PLIN3: variants seen among roughly 807,000 people sequenced by gnomAD.
PLIN3 encodes perilipin-3.
A neutral mutation model predicts 35.9 loss-of-function variants in PLIN3; 30 were observed. The ratio of observed to expected loss-of-function variants is 0.84; its 90% CI spans 0.62 to 1.13. The LOEUF (loss-of-function observed/expected upper bound fraction) is 1.13, where lower values mean the gene tolerates loss of function less well. PLIN3 is among the 50% of genes most tolerant of loss of function. The pLI, the probability that PLIN3 is intolerant of heterozygous loss-of-function variation, is 0.00. For synonymous variants in PLIN3, 261 were observed against 262.5 expected, an observed-to-expected ratio of 0.99 and a Z score of 0.06; for missense variants, 603 against 596.9, an observed-to-expected ratio of 1.01 and a Z score of -0.11.
At chr19:4,867,388 A>C (rs2030894230) in intron 1 of PLIN3, among the ~76,000 whole-genome samples, 2 of 152,124 alleles carry the variant, frequency 1.3e-5, no homozygotes, top group Non-Finnish European at 2.9e-5. Context: ...CAAAAGTCCC[A>C]GGAAGTGAGA....
chr19:4,840,789 T>A (rs938158354), intron 7 of PLIN3, among the ~76,000 whole-genome samples: 1 of 152,016 alleles, frequency 6.6e-6, no homozygotes, highest in African/African-American at 2.4e-5. Flanking sequence ...CTACTAAAGA[T>A]ACAAAATTAG....
At position 4,846,780 on chromosome 19, in the gene PLIN3, T is replaced by C. The variant is rs186252874; in HGVS notation, c.834+911A>G. 9.9e-5 allele frequency among the ~76,000 whole-genome samples: 15 copies of C among 152,158 alleles called. No individual in the cohort carries two copies. In the East Asian group the frequency reaches 2.9e-3, roughly 29 times the overall value. ...AATACACAGAGAGAAGATGGCTGTC[T>C]ACGAGTCAAGGAGAGAGGCCCCAGA... is the stretch of plus-strand genomic sequence containing the variant. On this transcript the variant is annotated intron_variant, in intron 6 of 7. Coordinates refer to ENST00000221957, the MANE Select transcript of PLIN3 (RefSeq NM_005817.5).
intron 1 of PLIN3, 121 bp from the exon 2 acceptor site, chr19:4,861,532 T>C (rs2030676455): frequency 1.5e-6 from 1 of 669,522 alleles, no homozygotes; most frequent in Non-Finnish European, 2.6e-6. Flanking sequence ...AGCTGTGTCT[T>C]TCAGTCCTTA....
chr19:4,860,041 G>A lies in PLIN3; in HGVS notation c.67-17C>T, dbSNP rs1287154895. ...CACACTGGGCTACAGGAGAGAAGTG[G>A]CTCAGGCAAACTGGGTGGGGGAAGA... On this transcript the variant is annotated splice_polypyrimidine_tract_variant and intron_variant, in intron 2 of 7. Coordinates refer to ENST00000221957, the MANE Select transcript of PLIN3 (RefSeq NM_005817.5). 1.2e-6 allele frequency: 2 copies of A among 1,612,942 alleles called. No homozygotes were observed. The highest frequency in any genetic ancestry group is 1.1e-5 in the South Asian group (1 of 91,022).
intron 1 of PLIN3, chr19:4,866,722 C>T (rs965165765): frequency 6.6e-6 from 1 of 152,336 alleles, no homozygotes; most frequent in African/African-American, 2.4e-5. Context: ...AGGCAGGCAT[C>T]AAACTCCTGG....
intron 7 of PLIN3, among the ~76,000 whole-genome samples, chr19:4,839,742 T>C (rs2029871144): frequency 6.6e-6 from 1 of 151,418 alleles, no homozygotes; most frequent in Non-Finnish European, 1.5e-5. Flanking sequence ...CTCAACTCAC[T>C]GCAAGCTCCG....
At position 4,852,191 on chromosome 19, in the gene PLIN3, C is replaced by A. The variant is rs758519354; in HGVS notation, c.459G>T (p.Ala153=). The part of the protein sequence containing the change: ...VATQLSEAVD[A]TRGAVQSGVD... ...CGCCGCTCTGCACAGCACCGCGGGT[C>A]GCGTCCACCGCCTCCGACAATTGGG... Residue 153 remains alanine, a synonymous_variant, in exon 5 of 8, where the codon GCG becomes GCT. Coordinates refer to ENST00000221957, the MANE Select transcript of PLIN3 (RefSeq NM_005817.5). The A allele has an allele frequency of 6.2e-7, 1 of 1,613,196 alleles. No individual in the cohort carries two copies. The highest frequency in any genetic ancestry group is 8.5e-7 in the Non-Finnish European group (1 of 1,180,008).
intron 7 of PLIN3, among the ~76,000 whole-genome samples, chr19:4,842,599 C>CAA (rs11383489): frequency 0.029 from 1,340 of 46,324 alleles, 89 homozygotes; most frequent in African/African-American, 0.087. Context: ...GACTCTATCT[C>CAA]AAAAAAAAAA....
chr19:4,848,864 C>CA (rs927505672), intron 5 of PLIN3, among the ~76,000 whole-genome samples: 110 of 147,092 alleles, frequency 7.5e-4, no homozygotes, highest in African/African-American at 2.3e-3. Context: ...GACTCCGTCT[C>CA]AAAAAAAAAA....
intron 6 of PLIN3, among the ~76,000 whole-genome samples, chr19:4,845,912 C>A (rs186648703): frequency 1.7e-5 from 2 of 116,790 alleles, no homozygotes; most frequent in African/African-American, 3.4e-5. Flanking sequence ...GGTGACAGAG[C>A]GAGACTCCGT....
intron 1 of PLIN3, among the ~76,000 whole-genome samples, chr19:4,861,676 C>T (rs1037408973): frequency 6.6e-6 from 1 of 151,862 alleles, no homozygotes; most frequent in Non-Finnish European, 1.5e-5. Flanking sequence ...CACTCTGTCG[C>T]CCAGGATGGA....
intron 1 of PLIN3, among the ~76,000 whole-genome samples, chr19:4,864,468 T>G (rs1599178758): frequency 6.7e-6 from 1 of 148,678 alleles, no homozygotes; most frequent in Non-Finnish European, 1.5e-5. Context: ...TTTTTTTTTG[T>G]TGTTGTTGTT....
At position 4,847,758 on chromosome 19, in the gene PLIN3, C is replaced by A; in HGVS notation, c.767G>T (p.Gly256Val). 1 of 1,612,912 alleles carries A rather than the reference C, an allele frequency of 6.2e-7. No individual in the cohort carries two copies. Among genetic ancestry groups the A allele is most frequent in the Non-Finnish European group, 8.5e-7 (1 of 1,179,676 alleles). Residue 256 changes from glycine (G) to valine (V), a missense_variant, in exon 6 of 8, where the codon GGC becomes GTC. Coordinates refer to ENST00000221957, the MANE Select transcript of PLIN3 (RefSeq NM_005817.5). The stretch of plus-strand genomic sequence containing the variant: ...CCTCTGCTTGGTGGCTCGAAGCTTG[C>A]CCAGCGAGTGCTCATAGGCGTGCTG... ...LRQHAYEHSL[G>V]KLRATKQRAQ...
At chr19:4,864,501 T>C (rs2030786939) in intron 1 of PLIN3, among the ~76,000 whole-genome samples, 1 of 151,378 alleles carries the variant, frequency 6.6e-6, no homozygotes, top group Non-Finnish European at 1.5e-5. Context: ...TGTTTTTTAG[T>C]AGATGGGGTT....
intron 2 of PLIN3, among the ~76,000 whole-genome samples, chr19:4,860,933 T>C (rs900754179): frequency 1.3e-5 from 2 of 152,144 alleles, no homozygotes; most frequent in Admixed American, 6.6e-5. Context: ...ATGTCACCAC[T>C]GCACTCCAGG....
At chr19:4,847,581 T>C (rs1215374961) in intron 6 of PLIN3, 110 bp downstream of exon 6, 2 of 883,738 alleles carry the variant, frequency 2.3e-6, no homozygotes, top group Non-Finnish European at 3.6e-6. Context: ...CAAGCGGGAA[T>C]GGCCCTGCCA....
Position 4,844,801 on chromosome 19 carries a change from A to C in PLIN3, c.835-8T>G. ...TTGCTTGACAGTTTCCATCTGGGGC[A>C]GGGGAGAGAGAAGTGAGGGAAGGAG... On this transcript the variant is annotated splice_region_variant and splice_polypyrimidine_tract_variant and intron_variant, in intron 6 of 7. Coordinates refer to ENST00000221957, the MANE Select transcript of PLIN3 (RefSeq NM_005817.5). The C allele has an allele frequency of 6.3e-7, 1 of 1,589,384 alleles. No homozygotes were observed. Among genetic ancestry groups the C allele is most frequent in the Middle Eastern group, 1.7e-4 (1 of 6,006 alleles).
At chr19:4,853,081 G>C (rs1158325975) in intron 4 of PLIN3, among the ~76,000 whole-genome samples, 2 of 151,824 alleles carry the variant, frequency 1.3e-5, no homozygotes, top group Non-Finnish European at 2.9e-5. Flanking sequence ...CAAAGTGCTA[G>C]GATTACAGGC....
chr19:4,861,227 C>T, intron 2 of PLIN3, 102 bp downstream of exon 2: 2 of 955,122 alleles, frequency 2.1e-6, no homozygotes, highest in Non-Finnish European at 3.4e-6. Context: ...CCGTGAGCTG[C>T]CGGCAGATCC....
Sources: gnomAD v4.1 joint callset for allele counts (sites outside exome capture counted in the v4.1 genomes callset) on GRCh38, gnomAD v4.1.1 for gene constraint, MANE v1.5 for transcripts, NCBI Gene and HGNC (gene_info 2026-07-23, HGNC 2026-07-21) for gene names.